The following MYBL2 variants were observed in gnomAD, a reference collection of about 807,000 sequenced individuals.
The protein encoded by MYBL2 is myb-related protein B.
Under a neutral mutation model 79.9 loss-of-function variants are expected in MYBL2, and 28 were observed. The ratio of observed to expected loss-of-function variants is 0.35; its 90% confidence interval spans 0.26 to 0.48. MYBL2 has a LOEUF of 0.48. Ranked by LOEUF, MYBL2 falls within the 20% of genes least tolerant of loss-of-function variation. MYBL2 has a pLI of 0.99. For missense variants in MYBL2, 735 were observed against 893.9 expected (o/e 0.82, Z 2.27); for synonymous variants, 378 against 361.2 (o/e 1.05, Z -0.53).
At chr20:43,690,507 G>T (rs555666179) in intron 5 of MYBL2, among the ~76,000 whole-genome samples, 2 of 152,098 alleles carry the variant, frequency 1.3e-5, no homozygotes, top group Non-Finnish European at 2.9e-5. Flanking sequence ...AGCATGCCCG[G>T]CAGCTGGGGG....
chr20:43,701,236 C>T (rs1394857504), intron 7 of MYBL2, among the ~76,000 whole-genome samples: 2 of 152,256 alleles, frequency 1.3e-5, no homozygotes, highest in African/African-American at 4.8e-5. Flanking sequence ...GAAATCCCAT[C>T]TTCCCTCCTC....
At chr20:43,688,876 G>GC (rs564649160) in intron 5 of MYBL2, among the ~76,000 whole-genome samples, 231 of 152,180 alleles carry the variant, frequency 1.5e-3, no homozygotes, top group African/African-American at 5.0e-3. Context: ...TGCAACCTCT[G>GC]CCTCCTGGGT....
Position 43,694,648 on chromosome 20 carries a change from T to A in MYBL2, c.663+2329T>A, listed in dbSNP as rs564203380. ...CTCGATTGCCCAATATGAATGCACC[T>A]ATGGGGTAACTTTCAAAGGGCAGAG... On this transcript the variant is annotated intron_variant, in intron 6 of 13. Coordinates refer to ENST00000217026, the MANE Select transcript of MYBL2 (RefSeq NM_002466.4). Among the ~76,000 whole-genome samples, 3 of 152,338 alleles carry A rather than the reference T, an allele frequency of 2.0e-5. No homozygotes were observed. The South Asian group carries it at 6.2e-4, about 32-fold the overall frequency.
At chr20:43,702,101 T>C (rs1006668249) in intron 7 of MYBL2, among the ~76,000 whole-genome samples, 7 of 152,020 alleles carry the variant, frequency 4.6e-5, no homozygotes, top group African/African-American at 1.4e-4. Context: ...CACTACAGCC[T>C]GGGCGACAGA....
Position 43,715,941 on chromosome 20 carries a change from C to G in MYBL2, c.1975-18C>G, listed in dbSNP as rs1988021375. On this transcript the variant is annotated intron_variant, in intron 13 of 13. Coordinates refer to ENST00000217026, the MANE Select transcript of MYBL2 (RefSeq NM_002466.4). ...ACATAGTCCCTGCCTGGATGGTAAC[C>G]CTCTTGCCTCCTCCCAGATGTCCAG... 6.2e-7 allele frequency: 1 copy of G among 1,604,514 alleles called. No individual in the cohort carries two copies. The highest frequency in any genetic ancestry group is 2.2e-5 in the East Asian group (1 of 44,778).
At chr20:43,672,898 G>A (rs1326211752) in intron 1 of MYBL2, among the ~76,000 whole-genome samples, 2 of 152,118 alleles carry the variant, frequency 1.3e-5, no homozygotes, top group South Asian at 2.1e-4. Flanking sequence ...AGGAAAAAGC[G>A]ATAGTCTGAT....
At chr20:43,713,232 T>TGGGG in intron 12 of MYBL2, 126 bp downstream of exon 12, 1 of 390,670 alleles carries the variant, frequency 2.6e-6, no homozygotes. Flanking sequence ...TCAGGGAGGG[T>TGGGG]GGGTCCGGGC....
intron 2 of MYBL2, among the ~76,000 whole-genome samples, chr20:43,676,526 A>G (rs1987013467): frequency 6.6e-6 from 1 of 152,244 alleles, no homozygotes; most frequent in African/African-American, 2.4e-5. Context: ...ATCACTGGAT[A>G]GTAGTCCATT....
chr20:43,699,924 G>A lies in MYBL2; in HGVS notation c.831G>A (p.Glu277=), dbSNP rs372087708. 8 of 1,614,032 alleles carry A rather than the reference G, an allele frequency of 5.0e-6. No individual in the cohort carries two copies. The African/African-American group carries it at 8.0e-5, about 16-fold the overall frequency. ...PEPLEEFPKR[E]DQEGSPPETS... ...CCTTGGAGGAATTCCCGAAGCGTGAGGACCAGGAAGGCTCCCCACCAGAAA... is the reference window on the plus strand; with the variant it reads ...CCTTGGAGGAATTCCCGAAGCGTGAAGACCAGGAAGGCTCCCCACCAGAAA... The change falls in exon 7 of 14, where the codon GAG becomes GAA. Residue 277 remains glutamate, a synonymous_variant. Transcript: ENST00000217026.
chr20:43,706,587 G>A (rs2145731623), intron 9 of MYBL2, among the ~76,000 whole-genome samples: 1 of 151,936 alleles, frequency 6.6e-6, no homozygotes, highest in South Asian at 2.1e-4. Flanking sequence ...AGTCTCCAAA[G>A]TCCGGCTCAG....
chr20:43,671,598 G>C (rs925374682), intron 1 of MYBL2, among the ~76,000 whole-genome samples: 5 of 149,148 alleles, frequency 3.4e-5, no homozygotes, highest in Admixed American at 1.4e-4. Context: ...TCAGCCTCCT[G>C]AGTAGCTGGG....
chr20:43,708,820 G>A (rs1987843915), intron 9 of MYBL2, among the ~76,000 whole-genome samples: 1 of 152,198 alleles, frequency 6.6e-6, no homozygotes, highest in Non-Finnish European at 1.5e-5. Flanking sequence ...CATGTCCCAT[G>A]GAGATGCTTG....
rs113886349 is a variant in MYBL2, at chr20:43,713,082, C to T, written c.1800C>T (p.Ser600=). ...ATGAGGATGTGAAGCTGATGATGTC[C>T]ACACTGCCCAAGTCTCTATCCTTGG... ...IVDEDVKLMM[S]TLPKSLSLPT... is the part of the protein sequence containing the mutation. The change falls in exon 12 of 14, where the codon TCC becomes TCT. Residue 600 remains serine, a synonymous_variant. Transcript: ENST00000217026. 1.6e-4 allele frequency: 256 copies of T among 1,612,912 alleles called. 1 individual carries two copies. The African/African-American group carries it at 2.7e-3, about 17-fold the overall frequency.
At chr20:43,677,005 A>G (rs904363233) in intron 2 of MYBL2, among the ~76,000 whole-genome samples, 2 of 151,902 alleles carry the variant, frequency 1.3e-5, no homozygotes, top group Non-Finnish European at 2.9e-5. Context: ...TGGCCTCCCA[A>G]AGTGTTGGGA....
At chr20:43,698,061 CTTTTT>C (rs11475916) in intron 6 of MYBL2, among the ~76,000 whole-genome samples, 2 of 112,406 alleles carry the variant, frequency 1.8e-5, no homozygotes, top group Non-Finnish European at 3.7e-5. Flanking sequence ...GCTTGGTTGT[CTTTTT>C]TTTTTTTTTT....
chr20:43,698,168 CT>C (rs1307651507), intron 6 of MYBL2, among the ~76,000 whole-genome samples: 2 of 145,702 alleles, frequency 1.4e-5, no homozygotes, highest in African/African-American at 5.1e-5. Context: ...AGTTTGGTAG[CT>C]TTTTTTCTTT....
intron 5 of MYBL2, among the ~76,000 whole-genome samples, chr20:43,688,044 A>G (rs570381770): frequency 4.6e-5 from 7 of 151,550 alleles, no homozygotes; most frequent in African/African-American, 1.2e-4. Context: ...TTTCCCCTAA[A>G]TACTGAAAGC....
Position 43,678,142 on chromosome 20 carries a change from A to G in MYBL2, c.115-3642A>G, listed in dbSNP as rs1474332207. Among the ~76,000 whole-genome samples, 13 of 152,078 alleles carry G rather than the reference A, an allele frequency of 8.5e-5. 1 individual carries two copies. Among genetic ancestry groups the G allele is most frequent in the Admixed American group, 8.5e-4 (13 of 15,260 alleles). Reference sequence around the variant, plus strand: ...GAGTCATCACCACTCCCTAATCTCAAGTACCCAGGGACACAAACACTGCGG... The same window carrying G: ...GAGTCATCACCACTCCCTAATCTCAGGTACCCAGGGACACAAACACTGCGG... On this transcript the variant is annotated intron_variant, in intron 2 of 13. Coordinates refer to ENST00000217026, the MANE Select transcript of MYBL2 (RefSeq NM_002466.4).
intron 9 of MYBL2, among the ~76,000 whole-genome samples, chr20:43,705,979 C>T (rs931269857): frequency 1.3e-5 from 2 of 152,186 alleles, no homozygotes; most frequent in African/African-American, 2.4e-5. Flanking sequence ...GGATTACAGG[C>T]GTGAGCCACC....
Sources: allele counts gnomAD v4.1 joint callset (sites outside exome capture counted in the v4.1 genomes callset), GRCh38; gene constraint gnomAD v4.1.1; transcripts MANE v1.5; gene names NCBI Gene and HGNC (gene_info 2026-07-23, HGNC 2026-07-21).